The following MYLIP variants were observed in gnomAD, a reference collection of about 807,000 sequenced individuals.
The protein encoded by MYLIP is myosin regulatory light chain interacting protein.
In MYLIP, 26 loss-of-function variants were observed where a neutral mutation model predicts 45.8. The observed-to-expected ratio is 0.57, with a 90% CI of 0.42 to 0.79. MYLIP has a LOEUF of 0.79. MYLIP is among the 30% of genes least tolerant of loss of function. The pLI, the probability that MYLIP is intolerant of heterozygous loss-of-function variation, is 0.00. For missense variants in MYLIP, 494 were observed against 555.6 expected (o/e 0.89, Z 1.11); for synonymous variants, 213 against 218.1 (o/e 0.98, Z 0.21).
the MYLIP span, among the ~76,000 whole-genome samples, chr6:16,153,395 T>A: frequency 1.3e-5 from 2 of 152,242 alleles, no homozygotes; most frequent in Admixed American, 1.3e-4. Context: ...TTATTAAAGC[T>A]ATTTTTCAGT....
the MYLIP span, among the ~76,000 whole-genome samples, chr6:16,160,638 C>T: frequency 6.6e-6 from 1 of 151,960 alleles, no homozygotes; most frequent in East Asian, 1.9e-4. Context: ...CCCGTCTCTA[C>T]AAAAAATACA....
At chr6:16,133,619 C>T (rs1232492548) in intron 2 of MYLIP, among the ~76,000 whole-genome samples, 1 of 152,150 alleles carries the variant, frequency 6.6e-6, no homozygotes, top group African/African-American at 2.4e-5. Flanking sequence ...GAAATTCTTG[C>T]CTTTCAAAGG....
intron 4 of MYLIP, among the ~76,000 whole-genome samples, 194 bp downstream of exon 4, chr6:16,143,411 A>G (rs1042934538): frequency 1.8e-4 from 27 of 152,236 alleles, no homozygotes; most frequent in African/African-American, 6.5e-4. Flanking sequence ...AATGTGGCAG[A>G]GTTAACGTTT....
intron 2 of MYLIP, among the ~76,000 whole-genome samples, chr6:16,138,885 T>C (rs1229121690): frequency 2.6e-5 from 4 of 152,202 alleles, no homozygotes; most frequent in Non-Finnish European, 5.9e-5. Context: ...AGGTCAATCA[T>C]CGCCCTTGCT....
At chr6:16,157,242 G>C in the MYLIP span, among the ~76,000 whole-genome samples, 1 of 152,184 alleles carries the variant, frequency 6.6e-6, no homozygotes, top group African/African-American at 2.4e-5. Flanking sequence ...TTCTTCAGGG[G>C]CCAGCTTAAA....
At chr6:16,138,829 C>T (rs958845778) in intron 2 of MYLIP, among the ~76,000 whole-genome samples, 7 of 152,158 alleles carry the variant, frequency 4.6e-5, no homozygotes, top group African/African-American at 9.7e-5. Context: ...TTCATGCTTA[C>T]CAGGCATCCT....
Position 16,143,234 on chromosome 6 carries a change from CT to C in MYLIP, c.662+24del, listed in dbSNP as rs781201548. 2 of 1,613,188 alleles carry C rather than the reference CT, an allele frequency of 1.2e-6. No individual in the cohort carries two copies. Among genetic ancestry groups the C allele is most frequent in the Non-Finnish European group, 1.7e-6 (2 of 1,179,202 alleles). ...AATTAATAGGTAAGCCAAGACTTAACTTTTTTTGACCTAAGCATGTGTATAC... is the reference window on the plus strand; with the variant it reads ...AATTAATAGGTAAGCCAAGACTTAACTTTTTTGACCTAAGCATGTGTATAC... On this transcript the variant is annotated intron_variant, in intron 4 of 6. Coordinates refer to ENST00000356840, the MANE Select transcript of MYLIP (RefSeq NM_013262.4).
Position 16,130,551 on chromosome 6 carries a change from T to A in MYLIP, c.88-6T>A. The A allele has an allele frequency of 6.2e-7, 1 of 1,613,414 alleles. No homozygotes were observed. The highest frequency in any genetic ancestry group is 8.5e-7 in the Non-Finnish European group (1 of 1,179,546). ...CTCATCCAGGCTGCATTCCTTTTTG[T>A]TTTAGGTGTGCAGGCGACTGGGAAT... On this transcript the variant is annotated splice_polypyrimidine_tract_variant and splice_region_variant and intron_variant, in intron 1 of 6. Coordinates refer to ENST00000356840, the MANE Select transcript of MYLIP (RefSeq NM_013262.4).
chr6:16,162,287 C>T, the MYLIP span, among the ~76,000 whole-genome samples: 3 of 152,120 alleles, frequency 2.0e-5, no homozygotes, highest in African/African-American at 4.8e-5. Context: ...TCAGAGCAGA[C>T]CAGACTGAAA....
chr6:16,143,297 AT>A, intron 4 of MYLIP, 80 bp downstream of exon 4: 1 of 1,384,120 alleles, frequency 7.2e-7, no homozygotes, highest in Non-Finnish European at 1.0e-6. Flanking sequence ...ATAGGAAGGG[AT>A]TTACTCGACA....
At position 16,146,707 on chromosome 6, in the gene MYLIP, T is replaced by C. The variant is rs982285700; in HGVS notation, c.1294T>C (p.Tyr432His). 5 of 1,612,100 alleles carry C rather than the reference T, an allele frequency of 3.1e-6. No homozygotes were observed. Among genetic ancestry groups the C allele is most frequent in the Admixed American group, 1.7e-5 (1 of 59,936 alleles). ...RSRVEHVQHV[Y>H]LPTHTSLLNL... ...GCGTGTGGAGCATGTCCAGCACGTC[T>C]ATCTGCCAACGCACACCAGTCTTCT... Residue 432 changes from tyrosine to histidine, a missense_variant, in exon 7 of 7, where the codon TAT becomes CAT. Tyr to His is a moderately conservative substitution (Grantham distance 83). Transcript: ENST00000356840.
chr6:16,130,098 T>G (rs1357513926), intron 1 of MYLIP, among the ~76,000 whole-genome samples: 4 of 152,234 alleles, frequency 2.6e-5, no homozygotes, highest in African/African-American at 7.2e-5. Context: ...TCTGAGATGT[T>G]TGGAAAACCG....
In MYLIP at chr6:16,144,937, C is replaced by T. The variant is rs752855647; in HGVS notation, c.868C>T (p.Arg290Cys). Residue 290 changes from arginine to cysteine, a missense_variant, in exon 6 of 7, where the codon CGT (arginine) becomes TGT (cysteine). Arg to Cys is a radical substitution (Grantham distance 180). Coordinates refer to ENST00000356840, the MANE Select transcript of MYLIP (RefSeq NM_013262.4). ...CAGCGCCGTGATGATGCAGTATAGC[C>T]GTGACTTGAAGGGCCACTTGGCATC... ...VTSAVMMQYS[R>C]DLKGHLASLF... The T allele has an allele frequency of 2.7e-5, 44 of 1,613,994 alleles. No individual in the cohort carries two copies. Among genetic ancestry groups the T allele is most frequent in the Non-Finnish European group, 2.8e-5 (33 of 1,180,020 alleles).
Position 16,129,722 on chromosome 6 carries a change from G to T in MYLIP, c.87+313G>T, listed in dbSNP as rs934719150. Among the ~76,000 whole-genome samples, 3 of 152,198 alleles carry T rather than the reference G, an allele frequency of 2.0e-5. No homozygotes were observed. The highest frequency in any genetic ancestry group is 2.9e-5 in the Non-Finnish European group (2 of 68,028). ...CACTTTCCCGGAAGAAGGCGGCTCC[G>T]CACACCTGCCGCAGGTATGTGCGTG... On this transcript the variant is annotated intron_variant, in intron 1 of 6. Coordinates refer to ENST00000356840, the MANE Select transcript of MYLIP (RefSeq NM_013262.4). This position sits in a 1 kb window ranked among gnomAD's most constrained non-coding sequence, Gnocchi z 5.1.
chr6:16,140,571 C>T (rs1166117333), intron 2 of MYLIP, among the ~76,000 whole-genome samples: 3 of 152,134 alleles, frequency 2.0e-5, no homozygotes, highest in Non-Finnish European at 4.4e-5. Context: ...GCATGTGATA[C>T]AGACCAAAGG....
intron 2 of MYLIP, among the ~76,000 whole-genome samples, chr6:16,135,080 T>C (rs1443397844): frequency 6.6e-6 from 1 of 152,218 alleles, no homozygotes; most frequent in Non-Finnish European, 1.5e-5. Flanking sequence ...CCCAGCCCTC[T>C]TCTGTACCAG....
rs192181184 is a variant in MYLIP, at chr6:16,130,495, C to T, written c.88-62C>T. Reference sequence around the variant, plus strand: ...CACCAGCAATCTTAGCCTCAGGGAGCCGTTGGGTTTGCTTTGATACGTACC... The same window carrying T: ...CACCAGCAATCTTAGCCTCAGGGAGTCGTTGGGTTTGCTTTGATACGTACC... On this transcript the variant is annotated intron_variant, in intron 1 of 6. Transcript: ENST00000356840. 661 of 1,493,432 alleles carry T rather than the reference C, an allele frequency of 4.4e-4. 2 individuals are homozygous for T. The highest frequency in any genetic ancestry group is 1.1e-3 in the Admixed American group (57 of 51,372). The allele number at this position is 1,493,432 out of a possible 1,614,324, so 92.5% of individuals were successfully genotyped here. A position where few individuals can be genotyped will look rare whatever the true frequency, so the allele number is the denominator to read the frequency against.
At chr6:16,143,252 T>C (rs1759713148) in intron 4 of MYLIP, 35 bp downstream of exon 4, 1 of 1,586,298 alleles carries the variant, frequency 6.3e-7, no homozygotes, top group Non-Finnish European at 8.7e-7. Flanking sequence ...GACCTAAGCA[T>C]GTGTATACAT....
At chr6:16,157,302 T>C in the MYLIP span, among the ~76,000 whole-genome samples, 93 of 152,352 alleles carry the variant, frequency 6.1e-4, no homozygotes, top group Non-Finnish European at 1.2e-3. Flanking sequence ...CTTCCTCCAT[T>C]GTAATACCAT....
Sources: gnomAD v4.1 joint callset for allele counts (sites outside exome capture counted in the v4.1 genomes callset) on GRCh38, gnomAD v4.1.1 for gene constraint, Gnocchi (gnomAD v3.1) non-coding constraint, MANE v1.5 for transcripts, NCBI Gene and HGNC (gene_info 2026-07-23, HGNC 2026-07-21) for gene names.